NEK4: variants seen among roughly 807,000 people sequenced by gnomAD.
NEK4 encodes NIMA related kinase 4, also known as serine/threonine-protein kinase Nek4.
A neutral mutation model predicts 98.4 loss-of-function variants in NEK4; 86 were observed. That is an observed-to-expected ratio of 0.87 (90% confidence interval 0.73 to 1.05). The LOEUF (loss-of-function observed/expected upper bound fraction) is 1.05, where lower values mean the gene tolerates loss of function less well. NEK4 is among the 50% of genes least tolerant of loss of function. The probability of loss-of-function intolerance (pLI) is 0.00; values close to 1 mark genes in which losing one functional copy is unlikely to be tolerated. For synonymous variants in NEK4, 328 were observed against 342.2 expected (o/e 0.96, Z 0.46); for missense variants, 898 against 950.3 (o/e 0.94, Z 0.72).
intron 5 of NEK4, among the ~76,000 whole-genome samples, chr3:52,762,460 C>T (rs1206083181): frequency 6.6e-6 from 1 of 152,002 alleles, no homozygotes; most frequent in Non-Finnish European, 1.5e-5. Flanking sequence ...AAAAAATTTA[C>T]ACTATATGTC....
chr3:52,719,864 A>G (rs761527352), intron 15 of NEK4, among the ~76,000 whole-genome samples: 7 of 152,222 alleles, frequency 4.6e-5, no homozygotes, highest in Non-Finnish European at 1.0e-4. Context: ...AGACCAACAG[A>G]AATTATGCAA....
chr3:52,751,914 T>C lies in NEK4; in HGVS notation c.1368+18A>G. 2.5e-6 allele frequency: 4 copies of C among 1,602,900 alleles called. No individual in the cohort carries two copies. Among genetic ancestry groups the C allele is most frequent in the Non-Finnish European group, 3.4e-6 (4 of 1,173,940 alleles). ...TCTTCTCTCCAAAACCAGTATCTCATGTGTGCATATCACTCACCTGGTCCT... is the reference window on the plus strand; with the variant it reads ...TCTTCTCTCCAAAACCAGTATCTCACGTGTGCATATCACTCACCTGGTCCT... On this transcript the variant is annotated intron_variant, in intron 7 of 15. Transcript: ENST00000233027.
intron 12 of NEK4, among the ~76,000 whole-genome samples, chr3:52,741,815 C>T (rs1275661718): frequency 6.6e-6 from 1 of 151,724 alleles, no homozygotes; most frequent in Non-Finnish European, 1.5e-5. Flanking sequence ...GAGTCTTGCT[C>T]TGTCGCCAGG....
intron 8 of NEK4, among the ~76,000 whole-genome samples, chr3:52,748,004 G>A (rs889606031): frequency 1.3e-5 from 2 of 151,896 alleles, no homozygotes; most frequent in Non-Finnish European, 2.9e-5. Flanking sequence ...CTGTCGCCCA[G>A]GCTGGAGTGC....
intron 15 of NEK4, among the ~76,000 whole-genome samples, chr3:52,715,190 A>G (rs2097354034): frequency 6.6e-6 from 1 of 152,234 alleles, no homozygotes; most frequent in Admixed American, 6.5e-5. Flanking sequence ...TGGACAAATC[A>G]GCAGGTACTT....
chr3:52,740,824 T>A (rs13063840), intron 13 of NEK4, among the ~76,000 whole-genome samples: 2 of 141,832 alleles, frequency 1.4e-5, no homozygotes, highest in Admixed American at 7.3e-5. Context: ...AATATATTTT[T>A]AAAAAGTAAA....
chr3:52,748,563 T>C (rs2097400182), intron 8 of NEK4, among the ~76,000 whole-genome samples: 1 of 152,212 alleles, frequency 6.6e-6, no homozygotes, highest in Admixed American at 6.5e-5. Context: ...AATACAAATT[T>C]ATTTCCCAAG....
At position 52,710,349 on chromosome 3, in the gene NEK4, A is replaced by T. The variant is rs1312020846; in HGVS notation, c.*1428T>A. On this transcript the variant is annotated 3_prime_UTR_variant, in exon 16 of 16. Transcript: ENST00000233027. ...CACTGCACTTCAGCCTGGGTGACAG[A>T]GCAAGACTGTGTCTTAAAAAAAAAA... 1 of 138,600 alleles carries T rather than the reference A, an allele frequency of 7.2e-6. No homozygotes were observed. The highest frequency in any genetic ancestry group is 2.7e-5 in the African/African-American group (1 of 36,536). The allele number at this position is 138,600 out of a possible 1,614,324, so 8.6% of individuals were successfully genotyped here. A position where few individuals can be genotyped will look rare whatever the true frequency, so the allele number is the denominator to read the frequency against.
At chr3:52,745,086 T>C (rs1189030823) in intron 10 of NEK4, among the ~76,000 whole-genome samples, 6 of 151,790 alleles carry the variant, frequency 4.0e-5, no homozygotes, top group Admixed American at 3.3e-4. Flanking sequence ...CGGCTAATTT[T>C]ATTTTTGTAT....
At chr3:52,731,600 G>C (rs1345869055) in intron 15 of NEK4, among the ~76,000 whole-genome samples, 3 of 152,220 alleles carry the variant, frequency 2.0e-5, no homozygotes, top group African/African-American at 7.2e-5. Flanking sequence ...CATACATAAT[G>C]AAGTTGGAGC....
At chr3:52,757,550 C>A (rs1383608657) in intron 6 of NEK4, among the ~76,000 whole-genome samples, 8 of 139,222 alleles carry the variant, frequency 5.7e-5, no homozygotes, top group Non-Finnish European at 1.1e-4. Flanking sequence ...AGTGAGACTC[C>A]GTCTCAAAAA....
intron 4 of NEK4, 113 bp from the exon 5 acceptor site, chr3:52,763,737 A>G: frequency 1.4e-6 from 1 of 724,106 alleles, no homozygotes; most frequent in Non-Finnish European, 2.2e-6. Context: ...TAAGCAGAAA[A>G]CAATCAGTAT....
intron 15 of NEK4, among the ~76,000 whole-genome samples, chr3:52,713,298 A>T (rs1049550757): frequency 3.3e-5 from 5 of 152,180 alleles, no homozygotes; most frequent in African/African-American, 1.2e-4. Flanking sequence ...ATGAGAAAAC[A>T]CTGGAAAAAT....
intron 5 of NEK4, 76 bp downstream of exon 5, chr3:52,763,394 G>T: frequency 7.5e-7 from 1 of 1,334,968 alleles, no homozygotes. Flanking sequence ...ATTAATTCTT[G>T]CATATGAATA....
At chr3:52,729,391 G>A (rs538531970) in intron 15 of NEK4, among the ~76,000 whole-genome samples, 16 of 151,912 alleles carry the variant, frequency 1.1e-4, no homozygotes, top group African/African-American at 1.9e-4. Context: ...GGGATGGAGC[G>A]AAAGCCTGTT....
rs2097395337 is a variant in NEK4 at position 52,745,989 on chromosome 3, C to A, written c.1827+72G>T. 17 of 1,394,342 alleles carry A rather than the reference C, an allele frequency of 1.2e-5. No homozygotes were observed. The East Asian group carries it at 3.9e-4, about 32-fold the overall frequency. 86.4% of individuals were successfully genotyped at this position (1,394,342 alleles called of 1,614,324 possible). ...CCTCTTGCTTCAGCCTCCCAAAGTG[C>A]TGGGATTACATGCATGATACACCAC... On this transcript the variant is annotated intron_variant, in intron 10 of 15. Transcript: ENST00000233027.
At chr3:52,763,682 G>T in intron 4 of NEK4, 58 bp from the exon 5 acceptor site, 2 of 1,293,580 alleles carry the variant, frequency 1.5e-6, no homozygotes, top group Non-Finnish European at 1.1e-6. Context: ...CAAAGTAAAA[G>T]CTGGTAGAGG....
intron 8 of NEK4, among the ~76,000 whole-genome samples, chr3:52,748,108 C>T (rs2097399440): frequency 6.7e-6 from 1 of 150,204 alleles, no homozygotes; most frequent in Non-Finnish European, 1.5e-5. Context: ...TACAGGTGGC[C>T]GCCACCACGC....
intron 5 of NEK4, among the ~76,000 whole-genome samples, chr3:52,762,415 G>A (rs1698391277): frequency 6.6e-6 from 1 of 151,684 alleles, no homozygotes; most frequent in Admixed American, 6.6e-5. Flanking sequence ...TAACTCATAG[G>A]CAGTGAGCCC....
Sources: gnomAD v4.1 joint callset for allele counts (sites outside exome capture counted in the v4.1 genomes callset) on GRCh38, gnomAD v4.1.1 for gene constraint, MANE v1.5 for transcripts, NCBI Gene and HGNC (gene_info 2026-07-23, HGNC 2026-07-21) for gene names.